ENKUR: variants seen among roughly 807,000 people sequenced by gnomAD.
ENKUR encodes enkurin.
In ENKUR, 19 loss-of-function variants were observed where a neutral mutation model predicts 27.6. The observed-to-expected ratio is 0.69, with a 90% CI of 0.48 to 1.01. The LOEUF (loss-of-function observed/expected upper bound fraction) is 1.01, where lower values mean the gene tolerates loss of function less well. Ranked by LOEUF, ENKUR falls within the 50% of genes least tolerant of loss-of-function variation. ENKUR has a pLI of 0.00. For synonymous variants in ENKUR, 117 were observed against 96.9 expected (o/e 1.21, Z -1.22); for missense variants, 312 against 310.5 (o/e 1.00, Z -0.04).
At chr10:24,996,448 G>GTT (rs1850058055) in intron 2 of ENKUR, among the ~76,000 whole-genome samples, 1 of 146,698 alleles carries the variant, frequency 6.8e-6, no homozygotes, top group African/African-American at 2.7e-5. Flanking sequence ...GTGTGTGTGT[G>GTT]TGTGTGTGTA....
At chr10:25,029,682 G>A (rs945360022) in intron 2 of ENKUR, among the ~76,000 whole-genome samples, 2 of 152,062 alleles carry the variant, frequency 1.3e-5, no homozygotes, top group Non-Finnish European at 2.9e-5. Context: ...GTGCACTCCA[G>A]CCACTCAAAT....
rs541619297 is a variant in ENKUR at position 25,054,369 on chromosome 10, C to T, written c.37+6743G>A. The stretch of plus-strand genomic sequence containing the variant: ...CCCATGAGGCGGAGGTTGCAGTGAG[C>T]GGAGATCACGCCATTGCATTACAGC... On this transcript the variant is annotated intron_variant, in intron 2 of 5. Coordinates refer to the ENKUR transcript ENST00000615958. Among the ~76,000 whole-genome samples the T allele has an allele frequency of 3.7e-4, 56 of 152,258 alleles. 1 individual carries two copies. In the South Asian group the frequency reaches 0.011, roughly 29 times the overall value.
chr10:24,994,560 C>T (rs1332410465), intron 3 of ENKUR, among the ~76,000 whole-genome samples: 2 of 151,980 alleles, frequency 1.3e-5, no homozygotes, highest in Non-Finnish European at 2.9e-5. Context: ...ACTTGAACTC[C>T]TGACCTCAAG....
At chr10:25,023,115 T>C in intron 2 of ENKUR, 3 of 1,030,832 alleles carry the variant, frequency 2.9e-6, no homozygotes, top group Non-Finnish European at 4.2e-6. Flanking sequence ...TTTAACAATC[T>C]ACTGTAATTA....
intron 2 of ENKUR, among the ~76,000 whole-genome samples, chr10:25,050,005 C>G (rs1291717103): frequency 6.6e-6 from 1 of 152,048 alleles, no homozygotes; most frequent in Non-Finnish European, 1.5e-5. Context: ...CCTCAGGAAG[C>G]TTCCAATCAA....
chr10:25,017,765 A>G (rs1010438303), upstream of ENKUR, among the ~76,000 whole-genome samples: 1 of 152,156 alleles, frequency 6.6e-6, no homozygotes, highest in East Asian at 1.9e-4. Context: ...CTAGATCCAA[A>G]TCTATATCAC....
chr10:24,990,369 C>G, intron 4 of ENKUR, 94 bp downstream of exon 4: 2 of 1,460,234 alleles, frequency 1.4e-6, no homozygotes, highest in Non-Finnish European at 1.8e-6. Flanking sequence ...TTTCAAAATC[C>G]AAGTGCTGAC....
intron 2 of ENKUR, chr10:25,025,001 G>C: frequency 6.2e-7 from 1 of 1,614,152 alleles, no homozygotes; most frequent in Non-Finnish European, 8.5e-7. Flanking sequence ...TTATTTAATC[G>C]ATTAGAAAGT....
At chr10:24,988,346 ATT>A (rs1849832979) in intron 4 of ENKUR, among the ~76,000 whole-genome samples, 1 of 145,560 alleles carries the variant, frequency 6.9e-6, no homozygotes, top group Non-Finnish European at 1.5e-5. Flanking sequence ...GTATATATAT[ATT>A]TATATATGTG....
At chr10:24,994,977 C>T (rs1850013882) in intron 3 of ENKUR, among the ~76,000 whole-genome samples, 1 of 152,062 alleles carries the variant, frequency 6.6e-6, no homozygotes, top group Non-Finnish European at 1.5e-5. Context: ...GCTGAGATTG[C>T]ACCATTGTAC....
At chr10:25,014,598 T>C (rs957236896) in intron 1 of ENKUR, among the ~76,000 whole-genome samples, 1 of 152,148 alleles carries the variant, frequency 6.6e-6, no homozygotes, top group African/African-American at 2.4e-5. Flanking sequence ...AAAATAACTC[T>C]CAAATTCAAT....
intron 2 of ENKUR, among the ~76,000 whole-genome samples, chr10:24,996,436 A>ATG (rs150948274): frequency 0.41 from 60,382 of 148,424 alleles, 12,070 homozygotes; most frequent in East Asian, 0.51. Flanking sequence ...AAGATCATAT[A>ATG]TGTGTGTGTG....
At chr10:25,039,914 A>G (rs996756957) in intron 2 of ENKUR, among the ~76,000 whole-genome samples, 23 of 150,378 alleles carry the variant, frequency 1.5e-4, no homozygotes, top group African/African-American at 5.4e-4. Flanking sequence ...AAACCTGCAC[A>G]TGTACCCTAG....
chr10:25,046,775 T>C (rs911178899), intron 2 of ENKUR, among the ~76,000 whole-genome samples: 7 of 152,184 alleles, frequency 4.6e-5, no homozygotes, highest in African/African-American at 1.4e-4. Context: ...CATGAACAGA[T>C]TGACTTTTTT....
intron 2 of ENKUR, chr10:25,025,614 A>T (rs1850835092): frequency 1.5e-6 from 1 of 661,692 alleles, no homozygotes; most frequent in African/African-American, 1.8e-5. Flanking sequence ...TGAGAACTCC[A>T]TGTCACCTCC....
intron 2 of ENKUR, chr10:25,024,844 A>G: frequency 6.2e-7 from 1 of 1,614,114 alleles, no homozygotes; most frequent in Non-Finnish European, 8.5e-7. Flanking sequence ...CCATGTTTTG[A>G]CTGATTTTAT....
chr10:25,031,332 A>AT (rs1167733496), intron 2 of ENKUR, among the ~76,000 whole-genome samples: 4 of 151,754 alleles, frequency 2.6e-5, no homozygotes, highest in South Asian at 4.2e-4. Context: ...TACTTCCTAC[A>AT]TTTTTTTTAT....
At chr10:25,059,468 A>G (rs898782470) in intron 2 of ENKUR, among the ~76,000 whole-genome samples, 1 of 152,154 alleles carries the variant, frequency 6.6e-6, no homozygotes, top group African/African-American at 2.4e-5. Flanking sequence ...TATACTATGT[A>G]TGGAGATCTG....
intron 4 of ENKUR, among the ~76,000 whole-genome samples, chr10:24,989,376 C>T (rs186270078): frequency 1.6e-3 from 245 of 152,286 alleles, no homozygotes; most frequent in Non-Finnish European, 3.2e-3. Flanking sequence ...AAAGAGACAC[C>T]GTCCTTGCCT....
Sources: gnomAD v4.1 joint callset for allele counts (sites outside exome capture counted in the v4.1 genomes callset) on GRCh38, gnomAD v4.1.1 for gene constraint, MANE v1.5 for transcripts, NCBI Gene and HGNC (gene_info 2026-07-23, HGNC 2026-07-21) for gene names.